Variants in MMS19 observed in about 807,000 individuals in gnomAD.
The protein encoded by MMS19 is MMS19 nucleotide excision repair protein homolog.
MMS19 carries 77 observed loss-of-function variants against 129.8 expected under a neutral mutation model. The ratio of observed to expected loss-of-function variants is 0.59; its 90% CI spans 0.49 to 0.72. The LOEUF (loss-of-function observed/expected upper bound fraction) is 0.72, where lower values mean the gene tolerates loss of function less well. Ranked by LOEUF, MMS19 falls within the 30% of genes least tolerant of loss-of-function variation. The probability of loss-of-function intolerance (pLI) is 0.00; values close to 1 mark genes in which losing one functional copy is unlikely to be tolerated. For synonymous variants in MMS19, 491 were observed against 502.8 expected (o/e 0.98, Z 0.31); for missense variants, 1,168 against 1,266.3 (o/e 0.92, Z 1.18).
intron 3 of MMS19, among the ~76,000 whole-genome samples, chr10:97,478,917 C>T (rs1234823513): frequency 6.6e-6 from 1 of 151,942 alleles, no homozygotes; most frequent in Non-Finnish European, 1.5e-5. Flanking sequence ...CACAAATACC[C>T]ACACACATAT....
Position 97,481,975 on chromosome 10 carries a change from G to A in MMS19, c.162-933C>T, listed in dbSNP as rs555393868. ...AGGATCACTTGAGCCCGGCAGTCGT[G>A]ACCAGCCTGGGCAACATAGTGGGAC... On this transcript the variant is annotated intron_variant, in intron 2 of 30. Transcript: ENST00000438925. Among the ~76,000 whole-genome samples, 4 of 152,284 alleles carry A rather than the reference G, an allele frequency of 2.6e-5. No individual in the cohort carries two copies. The South Asian group carries it at 8.3e-4, about 32-fold the overall frequency.
chr10:97,472,273 C>G (rs113641515), intron 8 of MMS19, among the ~76,000 whole-genome samples: 1 of 152,238 alleles, frequency 6.6e-6, no homozygotes, highest in South Asian at 2.1e-4. Flanking sequence ...GAGTTTTGCT[C>G]TTGTTACACA....
At chr10:97,482,706 C>CTGTG (rs369393413) in intron 2 of MMS19, among the ~76,000 whole-genome samples, 9 of 131,962 alleles carry the variant, frequency 6.8e-5, no homozygotes, top group South Asian at 2.6e-4. Flanking sequence ...ATCAATAAGG[C>CTGTG]TGTGTGTGTG....
rs1468234165 is a variant in MMS19, at chr10:97,498,290, G to A, written c.95C>T (p.Ala32Val). ...DFVVGQQEGP[A>V]DQVAADVKSG... ...TGCCGTACCTGCAGCCACCTGGTCA[G>A]CGGGGCCCTCTTGCTGACCCACGAC... Residue 32 changes from alanine to valine, a missense_variant, in exon 1 of 31, where the codon GCT becomes GTT. Transcript: ENST00000438925. 1.9e-6 allele frequency: 3 copies of A among 1,569,316 alleles called. No homozygotes were observed. Among genetic ancestry groups the A allele is most frequent in the Non-Finnish European group, 8.6e-7 (1 of 1,164,712 alleles).
intron 1 of MMS19, among the ~76,000 whole-genome samples, chr10:97,484,614 C>T (rs1404054755): frequency 6.6e-6 from 1 of 152,048 alleles, no homozygotes; most frequent in East Asian, 1.9e-4. Context: ...TGGTAAAATA[C>T]ACTACATAAA....
At chr10:97,480,743 T>A (rs2036644681) in intron 3 of MMS19, among the ~76,000 whole-genome samples, 199 bp downstream of exon 3, 1 of 152,044 alleles carries the variant, frequency 6.6e-6, no homozygotes, top group South Asian at 2.1e-4. Context: ...CCAGCTAACG[T>A]TTTATATTGA....
intron 2 of MMS19, among the ~76,000 whole-genome samples, chr10:97,482,718 GTGTGTGTGTGTA>G (rs202167299): frequency 9.3e-6 from 1 of 107,888 alleles, no homozygotes; most frequent in Non-Finnish European, 1.9e-5. Flanking sequence ...GTGTGTGTGT[GTGTGTGTGTGTA>G]TATATATACA....
At chr10:97,476,650 A>T (rs367652983) in intron 8 of MMS19, 33 bp downstream of exon 8, 278 of 1,608,302 alleles carry the variant, frequency 1.7e-4, no homozygotes, top group Non-Finnish European at 2.1e-4. Context: ...ACACTCAATA[A>T]ATATATGATC....
rs2031301324 is a variant in MMS19 at position 97,460,024 on chromosome 10, G to A, written c.2656+22C>T. 5 of 1,609,940 alleles carry A rather than the reference G, an allele frequency of 3.1e-6. No individual in the cohort carries two copies. The African/African-American group carries it at 5.3e-5, about 17-fold the overall frequency. ...CAAAGGAGAGATGTGTATATGTGGG[G>A]ACCTTCTTTCAGACTCCTCACCTTG... is the stretch of plus-strand genomic sequence containing the variant. On this transcript the variant is annotated intron_variant, in intron 26 of 30. Coordinates refer to ENST00000438925, the MANE Select transcript of MMS19 (RefSeq NM_022362.5).
At chr10:97,474,290 C>T (rs1244040364) in intron 8 of MMS19, among the ~76,000 whole-genome samples, 3 of 152,028 alleles carry the variant, frequency 2.0e-5, no homozygotes, top group African/African-American at 7.2e-5. Context: ...CACGTGTAAT[C>T]CCAGCACTTT....
chr10:97,480,054 C>A (rs2036472149), intron 3 of MMS19, among the ~76,000 whole-genome samples: 1 of 152,200 alleles, frequency 6.6e-6, no homozygotes, highest in Non-Finnish European at 1.5e-5. Flanking sequence ...ACCTTCCTGG[C>A]AACATGGCTG....
chr10:97,459,719 C>T lies in MMS19; in HGVS notation c.2679G>A (p.Lys893=), dbSNP rs551967219. The T allele has an allele frequency of 4.6e-5, 74 of 1,612,012 alleles. 3 individuals carry two copies. In the South Asian group the frequency reaches 8.1e-4, roughly 18 times the overall value. ...APQDVKPNYL[K]GLSHVLNRLP... is the part of the protein sequence containing the mutation. ...GCCTGTTAAGTACATGAGAAAGACC[C>T]TTCAAGTAGTTTGGCTTCACATCTG... The change falls in exon 27 of 31, where the codon AAG becomes AAA. Residue 893 remains lysine (K), a synonymous_variant. Coordinates refer to ENST00000438925, the MANE Select transcript of MMS19 (RefSeq NM_022362.5).
intron 19 of MMS19, among the ~76,000 whole-genome samples, chr10:97,463,397 G>C (rs1023615921): frequency 6.6e-6 from 1 of 152,198 alleles, no homozygotes; most frequent in African/African-American, 2.4e-5. Context: ...GGACTCAAGT[G>C]ATCCTCCCAT....
intron 1 of MMS19, among the ~76,000 whole-genome samples, chr10:97,492,533 T>C (rs1218707195): frequency 6.7e-6 from 1 of 149,364 alleles, no homozygotes; most frequent in Non-Finnish European, 1.5e-5. Context: ...AATAAAGCTA[T>C]TACAAGACCG....
chr10:97,466,818 G>C lies in MMS19; in HGVS notation c.1381C>G (p.Leu461Val). 1 of 1,614,016 alleles carries C rather than the reference G, an allele frequency of 6.2e-7. No homozygotes were observed. The highest frequency in any genetic ancestry group is 8.5e-7 in the Non-Finnish European group (1 of 1,179,894). Residue 461 changes from leucine (L) to valine (V), a missense_variant, in exon 15 of 31, where the codon CTT (leucine) becomes GTT (valine). Around this residue, in one of 3 missense-constraint regions of MMS19, gnomAD observed 831 missense variants for 910.8 expected, o/e 0.91. Coordinates refer to ENST00000438925, the MANE Select transcript of MMS19 (RefSeq NM_022362.5). ...ACTGTCAGTGTACGGATGCCAACAA[G>C]CTGAAGCTGGGTGCTGGGGTCTGTT... ...ALTDPSTQLQ[L>V]VGIRTLTVLG...
At chr10:97,486,891 A>ATATATATATATATATG (rs1554852518) in intron 1 of MMS19, among the ~76,000 whole-genome samples, 3 of 132,340 alleles carry the variant, frequency 2.3e-5, no homozygotes, top group Non-Finnish European at 4.9e-5. Flanking sequence ...ATATATATAT[A>ATATATATATATATATG]TATAAAATTA....
chr10:97,481,957 C>T (rs1263884452), intron 2 of MMS19, among the ~76,000 whole-genome samples: 1 of 152,196 alleles, frequency 6.6e-6, no homozygotes, highest in Non-Finnish European at 1.5e-5. Flanking sequence ...GAGAGGATCA[C>T]TTGAGCCCGG....
intron 18 of MMS19, among the ~76,000 whole-genome samples, chr10:97,464,691 ATTTT>A (rs756050923): frequency 7.2e-6 from 1 of 138,744 alleles, no homozygotes. Flanking sequence ...TACCTAGGTA[ATTTT>A]TTTTTTTTTT....
intron 1 of MMS19, among the ~76,000 whole-genome samples, chr10:97,493,621 T>C (rs1400422987): frequency 6.6e-6 from 1 of 152,048 alleles, no homozygotes; most frequent in Non-Finnish European, 1.5e-5. Context: ...TAAACAGAGA[T>C]TGGGTTGGCA....
Sources: allele counts gnomAD v4.1 joint callset (sites outside exome capture counted in the v4.1 genomes callset), GRCh38; gene constraint gnomAD v4.1.1; regional missense constraint gnomAD v4.1.1; transcripts MANE v1.5; gene names NCBI Gene and HGNC (gene_info 2026-07-23, HGNC 2026-07-21).